AKAP19: variants seen among roughly 807,000 people sequenced by gnomAD.
The protein encoded by AKAP19 is small A-kinase anchoring protein.
the AKAP19 span, among the ~76,000 whole-genome samples, chr2:190,010,444 G>GTAC: frequency 6.6e-6 from 1 of 152,184 alleles, no homozygotes; most frequent in Non-Finnish European, 1.5e-5. Flanking sequence ...GATTAAGGAT[G>GTAC]TACTGTATGA....
At chr2:190,057,040 C>T in the AKAP19 span, 7 of 536,840 alleles carry the variant, frequency 1.3e-5, no homozygotes, top group Non-Finnish European at 2.3e-5. Flanking sequence ...AGCTCAAAAA[C>T]TCTGGAAATC....
At chr2:189,995,287 G>C in the AKAP19 span, among the ~76,000 whole-genome samples, 76 of 152,186 alleles carry the variant, frequency 5.0e-4, 1 homozygote, top group African/African-American at 1.8e-3. Flanking sequence ...TTATAAATGT[G>C]GGAGCTCCAG....
the AKAP19 span, among the ~76,000 whole-genome samples, chr2:190,038,974 C>CTTTT: frequency 7.9e-6 from 1 of 126,140 alleles, no homozygotes; most frequent in Admixed American, 8.2e-5. Context: ...CTTCTTCTTT[C>CTTTT]TTCTTCTTCT....
At chr2:190,195,806 G>C in the AKAP19 span, among the ~76,000 whole-genome samples, 1 of 152,116 alleles carries the variant, frequency 6.6e-6, no homozygotes, top group Non-Finnish European at 1.5e-5. Flanking sequence ...CTTTGGCACT[G>C]AATCTAAAAG....
chr2:190,000,887 A>C, the AKAP19 span, among the ~76,000 whole-genome samples: 2 of 152,144 alleles, frequency 1.3e-5, no homozygotes, highest in African/African-American at 4.8e-5. Context: ...TCTAGGATCT[A>C]TAGATTTATG....
chr2:190,060,297 A>C, the AKAP19 span: 1 of 1,613,138 alleles, frequency 6.2e-7, no homozygotes, highest in Non-Finnish European at 8.5e-7. Context: ...CAGGATTTGC[A>C]CAAACACTGT....
At chr2:190,201,794 T>C in the AKAP19 span, 1 of 167,000 alleles carries the variant, frequency 6.0e-6, no homozygotes, top group African/African-American at 2.4e-5. Context: ...AACCCATTCA[T>C]ACAAGGATCT....
At chr2:189,913,425 G>T in the AKAP19 span, among the ~76,000 whole-genome samples, 10 of 151,932 alleles carry the variant, frequency 6.6e-5, no homozygotes, top group Admixed American at 5.2e-4. Flanking sequence ...TACTAGAATA[G>T]TTCTTTTGCC....
chr2:190,076,670 A>G, the AKAP19 span, among the ~76,000 whole-genome samples: 1 of 152,146 alleles, frequency 6.6e-6, no homozygotes, highest in Non-Finnish European at 1.5e-5. Context: ...TCCTGTATAT[A>G]GTGTGTCTTA....
the AKAP19 span, among the ~76,000 whole-genome samples, chr2:190,168,042 A>G: frequency 6.6e-6 from 1 of 152,162 alleles, no homozygotes; most frequent in African/African-American, 2.4e-5. Context: ...GAGGTTCTCC[A>G]TGAGGGCCCT....
chr2:190,082,743 C>T, the AKAP19 span, among the ~76,000 whole-genome samples: 3 of 152,150 alleles, frequency 2.0e-5, no homozygotes, highest in Non-Finnish European at 2.9e-5. Flanking sequence ...AGGCACAGAA[C>T]GTTTAACTTA....
chr2:189,986,480 A>C, the AKAP19 span, among the ~76,000 whole-genome samples: 1 of 152,130 alleles, frequency 6.6e-6, no homozygotes, highest in Non-Finnish European at 1.5e-5. Flanking sequence ...CATACTGCTA[A>C]CCTGACTGGA....
the AKAP19 span, chr2:190,150,485 G>A: frequency 6.6e-6 from 1 of 152,336 alleles, no homozygotes; most frequent in Admixed American, 6.5e-5. Context: ...CAGACCTTCA[G>A]CCTCTCCAGT....
the AKAP19 span, among the ~76,000 whole-genome samples, chr2:189,969,874 T>C: frequency 0.025 from 3,513 of 141,166 alleles, 51 homozygotes; most frequent in African/African-American, 0.087. Flanking sequence ...TTCTTCTTTT[T>C]TTTTTTTTTT....
At chr2:189,946,082 A>G in the AKAP19 span, among the ~76,000 whole-genome samples, 7 of 152,180 alleles carry the variant, frequency 4.6e-5, no homozygotes, top group Admixed American at 1.3e-4. Context: ...TCACAAAACT[A>G]TCATGGAGAA....
the AKAP19 span, among the ~76,000 whole-genome samples, chr2:189,931,545 G>T: frequency 6.6e-6 from 1 of 152,010 alleles, no homozygotes; most frequent in African/African-American, 2.4e-5. Context: ...ATTTTTTTGT[G>T]TGTGGTGACA....
chr2:190,032,976 C>T, the AKAP19 span, among the ~76,000 whole-genome samples: 4 of 152,044 alleles, frequency 2.6e-5, no homozygotes, highest in South Asian at 8.3e-4. Context: ...ACAAGCGAGT[C>T]AGAAATAAAA....
chr2:190,074,831 A>G, the AKAP19 span, among the ~76,000 whole-genome samples: 7 of 152,166 alleles, frequency 4.6e-5, no homozygotes, highest in Non-Finnish European at 8.8e-5. Flanking sequence ...AGCTCCATGA[A>G]AGCAGGGACA....
chr2:190,123,826 T>G, the AKAP19 span, among the ~76,000 whole-genome samples: 1 of 152,220 alleles, frequency 6.6e-6, no homozygotes, highest in Non-Finnish European at 1.5e-5. Context: ...TCTGAGCGCA[T>G]GTAGGTGGAG....
Sources: gnomAD v4.1 joint callset for allele counts (sites outside exome capture counted in the v4.1 genomes callset) on GRCh38, gnomAD v4.1.1 for gene constraint, MANE v1.5 for transcripts, NCBI Gene and HGNC (gene_info 2026-07-23, HGNC 2026-07-21) for gene names.